The following RGS6 variants were observed in gnomAD, a reference collection of about 807,000 sequenced individuals.
RGS6 encodes regulator of G protein signaling 6.
A neutral mutation model predicts 78.5 loss-of-function variants in RGS6; 30 were observed. That is an observed-to-expected ratio of 0.38 (90% CI 0.29 to 0.52). RGS6 has a LOEUF of 0.52. Ranked by LOEUF, RGS6 falls within the 20% of genes least tolerant of loss-of-function variation. The pLI, the probability that RGS6 is intolerant of heterozygous loss-of-function variation, is 0.85. For synonymous variants in RGS6, 206 were observed against 206.0 expected (o/e 1.00, Z 0.00); for missense variants, 495 against 609.7 (o/e 0.81, Z 1.98).
chr14:71,966,173 C>T (rs1027153699), intron 2 of RGS6, among the ~76,000 whole-genome samples: 1 of 152,122 alleles, frequency 6.6e-6, no homozygotes, highest in Non-Finnish European at 1.5e-5. Context: ...TCACTAACTA[C>T]TTGAGTTTCT....
At chr14:72,462,327 T>TA (rs2095802548) in intron 6 of RGS6, among the ~76,000 whole-genome samples, 1 of 152,076 alleles carries the variant, frequency 6.6e-6, no homozygotes. Flanking sequence ...GGCAGGTTTA[T>TA]AAAAAGGCCT....
At position 72,160,675 on chromosome 14, in the gene RGS6, T is replaced by G. The variant is rs550319267; in HGVS notation, c.85-191420T>G. Reference sequence around the variant, plus strand: ...GTTGTCTTTACAAGAAGAAAACATTTGGCCACATGGAGAGATACAAGGGAT... The same window carrying G: ...GTTGTCTTTACAAGAAGAAAACATTGGGCCACATGGAGAGATACAAGGGAT... On this transcript the variant is annotated intron_variant, in intron 2 of 17. Transcript: ENST00000553525. 2.0e-5 allele frequency among the ~76,000 whole-genome samples: 3 copies of G among 152,302 alleles called. No homozygotes were observed. The South Asian group carries it at 6.2e-4, about 32-fold the overall frequency.
intron 2 of RGS6, among the ~76,000 whole-genome samples, chr14:72,153,872 A>G (rs1399359189): frequency 2.0e-5 from 3 of 152,188 alleles, no homozygotes; most frequent in Non-Finnish European, 2.9e-5. Context: ...CTTGATAAAC[A>G]TCTTAAACAA....
the RGS6 span, among the ~76,000 whole-genome samples, chr14:71,867,880 G>A: frequency 3.7e-3 from 568 of 152,266 alleles, 7 homozygotes; most frequent in African/African-American, 0.013. Context: ...CCCAGGGAGG[G>A]CAGCTTAGAC....
rs528704360 is a variant in RGS6, at chr14:72,037,301, T to A, written c.84+72426T>A. Among the ~76,000 whole-genome samples the A allele has an allele frequency of 1.8e-4, 27 of 152,324 alleles. No individual in the cohort carries two copies. The South Asian group carries it at 5.4e-3, about 30-fold the overall frequency. On this transcript the variant is annotated intron_variant, in intron 2 of 17. Transcript: ENST00000553525. ...TCCACACTGTGGAAGCTTTGTTCTT[T>A]CACTCTTCACAATAAATCTTGCTGC...
intron 3 of RGS6, among the ~76,000 whole-genome samples, chr14:72,361,954 G>C (rs1445922179): frequency 6.6e-6 from 1 of 152,170 alleles, no homozygotes; most frequent in African/African-American, 2.4e-5. Context: ...CCACGTAAGA[G>C]GGCTGCAGGG....
chr14:72,571,791 AC>A, the RGS6 span, among the ~76,000 whole-genome samples: 1 of 146,974 alleles, frequency 6.8e-6, no homozygotes, highest in Non-Finnish European at 1.5e-5. Context: ...AATGAAAACA[AC>A]AAAAGAAAAA....
At chr14:72,419,021 A>G (rs773533431) in intron 3 of RGS6, among the ~76,000 whole-genome samples, 5 of 152,228 alleles carry the variant, frequency 3.3e-5, no homozygotes, top group Non-Finnish European at 7.3e-5. Flanking sequence ...GAGCCCACCC[A>G]GGGAGCGGGC....
At chr14:72,047,089 G>T (rs568095885) in intron 2 of RGS6, among the ~76,000 whole-genome samples, 69 of 152,302 alleles carry the variant, frequency 4.5e-4, no homozygotes, top group Middle Eastern at 3.4e-3. Context: ...GCTTTGGGCA[G>T]TAACTTGCGT....
At chr14:72,286,601 A>C (rs1212286671) in intron 2 of RGS6, among the ~76,000 whole-genome samples, 1 of 152,004 alleles carries the variant, frequency 6.6e-6, no homozygotes, top group Non-Finnish European at 1.5e-5. Flanking sequence ...CACTTTGGGT[A>C]GTATAGATAT....
At chr14:72,166,708 A>G (rs1437490664) in intron 2 of RGS6, among the ~76,000 whole-genome samples, 1 of 152,202 alleles carries the variant, frequency 6.6e-6, no homozygotes, top group Non-Finnish European at 1.5e-5. Flanking sequence ...CAATTTGAAA[A>G]TGTTCTAAGG....
chr14:72,069,556 T>A (rs1159618523), intron 2 of RGS6, among the ~76,000 whole-genome samples: 1 of 152,172 alleles, frequency 6.6e-6, no homozygotes, highest in Non-Finnish European at 1.5e-5. Flanking sequence ...CTTATTTTTT[T>A]CAAGACAGGG....
chr14:72,033,563 A>T (rs933489150), intron 2 of RGS6, among the ~76,000 whole-genome samples: 1 of 152,146 alleles, frequency 6.6e-6, no homozygotes, highest in African/African-American at 2.4e-5. Flanking sequence ...CCTCATGATC[A>T]TGTGGCTGAC....
rs191009318 is a variant in RGS6, at chr14:72,321,874, A to G, written c.85-30221A>G. ...AAATATGTCATCCTTTCAGATGTCC[A>G]TAAAACGTTTCCCAGAACTGACTAT... On this transcript the variant is annotated intron_variant, in intron 2 of 17. Coordinates refer to ENST00000553525, the MANE Select transcript of RGS6 (RefSeq NM_001204424.2). Among the ~76,000 whole-genome samples, 18 of 152,118 alleles carry G rather than the reference A, an allele frequency of 1.2e-4. No homozygotes were observed. The East Asian group carries it at 3.5e-3, about 29-fold the overall frequency.
At chr14:72,181,066 G>T (rs1472322946) in intron 2 of RGS6, among the ~76,000 whole-genome samples, 1 of 152,212 alleles carries the variant, frequency 6.6e-6, no homozygotes, top group Non-Finnish European at 1.5e-5. Flanking sequence ...TTGGGCAGCA[G>T]CTGGGAATGG....
chr14:72,492,143 T>C (rs2096586497), intron 12 of RGS6, among the ~76,000 whole-genome samples: 1 of 152,244 alleles, frequency 6.6e-6, no homozygotes, highest in South Asian at 2.1e-4. Context: ...CCAACACTGC[T>C]ATAACAAAAG....
rs573133833 is a variant in RGS6 at position 72,075,941 on chromosome 14, T to C, written c.84+111066T>C. ...TGCTGGTGATATCCTGGAGCTCTTC[T>C]GACACAAGGCTCTGGCTAGCCTTGA... is the stretch of plus-strand genomic sequence containing the variant. On this transcript the variant is annotated intron_variant, in intron 2 of 17. Coordinates refer to ENST00000553525, the MANE Select transcript of RGS6 (RefSeq NM_001204424.2). Among the ~76,000 whole-genome samples, 583 of 152,350 alleles carry C rather than the reference T, an allele frequency of 3.8e-3. 1 individual carries two copies. The highest frequency in any genetic ancestry group is 0.014 in the African/African-American group (562 of 41,576).
chr14:71,983,801 A>C (rs1485249884), intron 2 of RGS6, among the ~76,000 whole-genome samples: 2 of 152,250 alleles, frequency 1.3e-5, no homozygotes, highest in African/African-American at 4.8e-5. Context: ...GAACTTACAT[A>C]CGCAAGTCCC....
At chr14:72,232,193 G>A (rs773906190) in intron 2 of RGS6, among the ~76,000 whole-genome samples, 30 of 152,178 alleles carry the variant, frequency 2.0e-4, no homozygotes, top group Non-Finnish European at 7.3e-5. Flanking sequence ...AGATGGCCCA[G>A]GACCCTAGAG....
Sources: allele counts gnomAD v4.1 joint callset (sites outside exome capture counted in the v4.1 genomes callset), GRCh38; gene constraint gnomAD v4.1.1; transcripts MANE v1.5; gene names NCBI Gene and HGNC (gene_info 2026-07-23, HGNC 2026-07-21).